The following ANKHD1 variants were observed in gnomAD, a reference collection of about 807,000 sequenced individuals.
ANKHD1 encodes the protein ankyrin repeat and KH domain-containing protein 1.
In ANKHD1, 31 loss-of-function variants were observed where a neutral mutation model predicts 230.5. That is an observed-to-expected ratio of 0.13 (90% CI 0.10 to 0.18). ANKHD1 has a LOEUF of 0.18. Among genes scored for constraint, ANKHD1 ranks in the 10% least tolerant of loss-of-function variants. The probability of loss-of-function intolerance (pLI) is 1.00; values close to 1 mark genes in which losing one functional copy is unlikely to be tolerated. For missense variants in ANKHD1, 2,256 were observed against 3,071.3 expected (o/e 0.73, Z 6.27); for synonymous variants, 1,074 against 1,117.6 (o/e 0.96, Z 0.78).
At chr5:140,427,925 G>A (rs1215136042) in intron 1 of ANKHD1, among the ~76,000 whole-genome samples, 3 of 151,648 alleles carry the variant, frequency 2.0e-5, no homozygotes, top group East Asian at 2.0e-4. Flanking sequence ...CAGACGGGGC[G>A]GTTGCCAGGC....
Position 140,524,049 on chromosome 5 carries a change from A to G in ANKHD1, c.4318-17A>G, listed in dbSNP as rs1323453333. The G allele has an allele frequency of 3.8e-6, 6 of 1,559,868 alleles. No individual in the cohort carries two copies. Among genetic ancestry groups the G allele is most frequent in the Non-Finnish European group, 5.1e-6 (6 of 1,165,386 alleles). On this transcript the variant is annotated splice_polypyrimidine_tract_variant and intron_variant, in intron 24 of 33. Transcript: ENST00000360839. ...TACTGCCTTATTGGTAAAATTATAT[A>G]CCTGCTTTATTTCCAGTCAAGAGAA...
intron 24 of ANKHD1, 95 bp downstream of exon 24, chr5:140,513,574 C>A: frequency 1.6e-6 from 2 of 1,243,650 alleles, no homozygotes; most frequent in Non-Finnish European, 2.2e-6. Flanking sequence ...TTCAGAAGGC[C>A]AAGGCGGGTG....
rs1298418168 is a variant in ANKHD1 at position 140,486,771 on chromosome 5, C to T, written c.2143-187C>T. 5 of 442,920 alleles carry T rather than the reference C, an allele frequency of 1.1e-5. No homozygotes were observed. In the South Asian group the frequency reaches 1.3e-4, roughly 12 times the overall value. 27.4% of individuals were successfully genotyped at this position (442,920 alleles called of 1,614,324 possible). A position where few individuals can be genotyped will look rare whatever the true frequency, so the allele number is the denominator to read the frequency against. On this transcript the variant is annotated intron_variant, in intron 13 of 33. Coordinates refer to ENST00000360839, the MANE Select transcript of ANKHD1 (RefSeq NM_017747.3). Reference sequence around the variant, plus strand: ...AAAATCATTGACTATTTGTAGATTCCCCGACTGTCTAATCATTAGTCTCAA... The same window carrying T: ...AAAATCATTGACTATTTGTAGATTCTCCGACTGTCTAATCATTAGTCTCAA...
In ANKHD1 at chr5:140,528,470, T is replaced by G; in HGVS notation, c.5524T>G (p.Ser1842Ala). The G allele has an allele frequency of 6.2e-7, 1 of 1,614,200 alleles. No individual in the cohort carries two copies. Among genetic ancestry groups the G allele is most frequent in the Non-Finnish European group, 8.5e-7 (1 of 1,180,050 alleles). The change falls in exon 29 of 34, where the codon TCT becomes GCT. Residue 1842 changes from serine (S) to alanine (A), a missense_variant. By Grantham distance (99) the Ser-to-Ala change is moderately conservative. Coordinates refer to ENST00000360839, the MANE Select transcript of ANKHD1 (RefSeq NM_017747.3). ...GAATGTTCCAACAAATGTACGTTCT[T>G]CTTTCCCAGTTTCTCTACCCTTAGC... ...NKNVPTNVRS[S>A]FPVSLPLAYP...
chr5:140,483,002 G>C (rs1751351786), intron 11 of ANKHD1, among the ~76,000 whole-genome samples: 1 of 152,164 alleles, frequency 6.6e-6, no homozygotes, highest in South Asian at 2.1e-4. Flanking sequence ...GGAGGACAGA[G>C]AGTAAGTCTG....
At chr5:140,519,474 G>A (rs9688094) in intron 24 of ANKHD1, among the ~76,000 whole-genome samples, 96,403 of 152,046 alleles carry the variant, frequency 0.63, 31,537 homozygotes, top group East Asian at 0.83. Flanking sequence ...CGCCAAGTCA[G>A]TCCTACGCCA....
In ANKHD1 at chr5:140,526,297, C is replaced by T. The variant is rs772667517; in HGVS notation, c.4794C>T (p.Ser1598=). The T allele has an allele frequency of 6.2e-7, 1 of 1,614,192 alleles. No individual in the cohort carries two copies. Among genetic ancestry groups the T allele is most frequent in the Non-Finnish European group, 8.5e-7 (1 of 1,180,048 alleles). The part of the protein sequence containing the change: ...GGNSDSDNLD[S]TDCNSESSSG... ...ATAGTGATTCAGATAACTTGGACAG[C>T]ACAGACTGCAACAGTGAGAGTAGCA... is the stretch of plus-strand genomic sequence containing the variant. The change falls in exon 26 of 34, where the codon AGC becomes AGT. Residue 1598 remains serine (S), a synonymous_variant. Transcript: ENST00000360839.
chr5:140,491,190 G>C (rs1486888136), intron 14 of ANKHD1, among the ~76,000 whole-genome samples: 3 of 112,136 alleles, frequency 2.7e-5, no homozygotes, highest in Non-Finnish European at 5.1e-5. Context: ...TTGAGACAGG[G>C]TCTCACTTTG....
chr5:140,438,691 AATATATCTTT>A, intron 3 of ANKHD1, 74 bp downstream of exon 3: 5 of 1,457,004 alleles, frequency 3.4e-6, no homozygotes, highest in Non-Finnish European at 4.6e-6. Flanking sequence ...ATTTTGGTTA[AATATATCTTT>A]TGGTGGAGCT....
At chr5:140,410,847 A>ATTTTT (rs1770867605) in intron 1 of ANKHD1, among the ~76,000 whole-genome samples, 1 of 152,218 alleles carries the variant, frequency 6.6e-6, no homozygotes, top group African/African-American at 2.4e-5. Flanking sequence ...GGTAGGTATT[A>ATTTTT]TCTACATTTT....
At chr5:140,464,812 A>G (rs1161190869) in intron 10 of ANKHD1, 36 bp downstream of exon 10, 9 of 1,567,232 alleles carry the variant, frequency 5.7e-6, no homozygotes, top group African/African-American at 2.7e-5. Flanking sequence ...TTTTGCGTTA[A>G]TGTTAATATC....
intron 25 of ANKHD1, among the ~76,000 whole-genome samples, chr5:140,525,410 G>A (rs1382524495): frequency 6.6e-6 from 1 of 151,866 alleles, no homozygotes; most frequent in African/African-American, 2.4e-5. Flanking sequence ...CCACAGGTAT[G>A]CACCACCATC....
Position 140,537,388 on chromosome 5 carries a change from G to A in ANKHD1, c.7028-1G>A. 1 of 1,613,594 alleles carries A rather than the reference G, an allele frequency of 6.2e-7. No homozygotes were observed. The highest frequency in any genetic ancestry group is 1.1e-5 in the South Asian group (1 of 90,974). Reference sequence around the variant, plus strand: ...TTCGGGATCATCTTCACCTCTTTCAGCCACTTCTGCCCCACCAACGTTGGG... The same window carrying A: ...TTCGGGATCATCTTCACCTCTTTCAACCACTTCTGCCCCACCAACGTTGGG... On this transcript the variant is annotated splice_acceptor_variant, in intron 30 of 33. Transcript: ENST00000360839. LOFTEE classifies it high-confidence loss of function.
intron 31 of ANKHD1, 109 bp downstream of exon 31, chr5:140,537,698 G>A (rs1480557377): frequency 7.1e-7 from 1 of 1,413,952 alleles, no homozygotes; most frequent in Admixed American, 3.3e-5. Context: ...TAGTTCCTAT[G>A]TTTAACACTC....
At position 140,509,735 on chromosome 5, in the gene ANKHD1, G is replaced by T. The variant is rs1408172254; in HGVS notation, c.3864G>T (p.Val1288=). 1.2e-6 allele frequency: 2 copies of T among 1,613,350 alleles called. No homozygotes were observed. The highest frequency in any genetic ancestry group is 4.5e-5 in the East Asian group (2 of 44,874). The change falls in exon 21 of 34, where the codon GTG becomes GTT. Residue 1288 remains valine (V), a synonymous_variant. Coordinates refer to ENST00000360839, the MANE Select transcript of ANKHD1 (RefSeq NM_017747.3). ...DKGADVNAPP[V]PSSRDTALTI... Reference sequence around the variant, plus strand: ...GAGCAGATGTTAATGCTCCCCCTGTGCCTTCCTCAAGAGATACTGCTTTAA... The same window carrying T: ...GAGCAGATGTTAATGCTCCCCCTGTTCCTTCCTCAAGAGATACTGCTTTAA...
chr5:140,473,561 C>T (rs1437852437), intron 10 of ANKHD1, among the ~76,000 whole-genome samples: 3 of 152,158 alleles, frequency 2.0e-5, no homozygotes, highest in Non-Finnish European at 4.4e-5. Flanking sequence ...CTGCCTCAGC[C>T]TCCCCAGTAG....
rs115096343 is a variant in ANKHD1, at chr5:140,405,353, C to T, written c.306+3080C>T. On this transcript the variant is annotated intron_variant, in intron 1 of 33. Coordinates refer to ENST00000360839, the MANE Select transcript of ANKHD1 (RefSeq NM_017747.3). Reference sequence around the variant, plus strand: ...AATTTTTTTTGGGTCCTGTTTCTCCCATATCACATAGAGAGGAAATTCTTG... The same window carrying T: ...AATTTTTTTTGGGTCCTGTTTCTCCTATATCACATAGAGAGGAAATTCTTG... 4.4e-3 allele frequency among the ~76,000 whole-genome samples: 663 copies of T among 152,186 alleles called. 4 individuals carry two copies. The highest frequency in any genetic ancestry group is 0.015 in the African/African-American group (625 of 41,510).
At chr5:140,443,895 TGGG>T (rs1249610436) in intron 5 of ANKHD1, among the ~76,000 whole-genome samples, 1 of 152,132 alleles carries the variant, frequency 6.6e-6, no homozygotes, top group Non-Finnish European at 1.5e-5. Context: ...TAGAGATAGT[TGGG>T]GGCTTTAATT....
chr5:140,402,362 C>T, intron 1 of ANKHD1, 89 bp downstream of exon 1: 1 of 1,371,552 alleles, frequency 7.3e-7, no homozygotes, highest in Non-Finnish European at 9.4e-7. Context: ...CTCCCGCTTC[C>T]CTGGTGGAGC....
Sources: gnomAD v4.1 joint callset for allele counts (sites outside exome capture counted in the v4.1 genomes callset) on GRCh38, gnomAD v4.1.1 for gene constraint, MANE v1.5 for transcripts, NCBI Gene and HGNC (gene_info 2026-07-23, HGNC 2026-07-21) for gene names.